PAX2: variants seen among roughly 807,000 people sequenced by gnomAD.
PAX2 encodes paired box protein Pax-2.
PAX2 carries 9 observed loss-of-function variants against 41.7 expected under a neutral mutation model. The ratio of observed to expected loss-of-function variants is 0.22; its 90% CI spans 0.13 to 0.38. The LOEUF (loss-of-function observed/expected upper bound fraction) is 0.38, where lower values mean the gene tolerates loss of function less well. Ranked by LOEUF, PAX2 falls within the 10% of genes least tolerant of loss-of-function variation. The pLI, the probability that PAX2 is intolerant of heterozygous loss-of-function variation, is 1.00. For missense variants in PAX2, 418 were observed against 531.6 expected, an observed-to-expected ratio of 0.79 and a Z score of 2.10; for synonymous variants, 221 against 212.7, an observed-to-expected ratio of 1.04 and a Z score of -0.34.
rs1350275569 is a variant in PAX2 at position 100,748,830 on chromosome 10, T to C, written c.44-916T>C. The C allele has an allele frequency of 3.0e-6, 3 of 984,882 alleles. No individual in the cohort carries two copies. The highest frequency in any genetic ancestry group is 3.6e-6 in the Non-Finnish European group (3 of 829,890). The allele number at this position is 984,882 out of a possible 1,614,324, so 61.0% of individuals were successfully genotyped here. A position where few individuals can be genotyped will look rare whatever the true frequency, so the allele number is the denominator to read the frequency against. ...AGGGGTCAAAGGGACTCGAGTCGGGTTTGGGTCGGCTACACAGGGCGCCCC... is the reference window on the plus strand; with the variant it reads ...AGGGGTCAAAGGGACTCGAGTCGGGCTTGGGTCGGCTACACAGGGCGCCCC... On this transcript the variant is annotated intron_variant, in intron 1 of 9. Transcript: ENST00000355243. This position sits in a 1 kb window ranked among gnomAD's most constrained non-coding sequence, Gnocchi z 5.0.
At chr10:100,792,913 A>T (rs1847183659) in intron 5 of PAX2, among the ~76,000 whole-genome samples, 1 of 152,236 alleles carries the variant, frequency 6.6e-6, no homozygotes, top group Non-Finnish European at 1.5e-5. Flanking sequence ...ACAGGAAAAC[A>T]TAACAGGAAA....
At chr10:100,775,095 A>G (rs1846339353) in intron 3 of PAX2, among the ~76,000 whole-genome samples, 1 of 152,076 alleles carries the variant, frequency 6.6e-6, no homozygotes, top group South Asian at 2.1e-4. Context: ...TTCTGAGCAG[A>G]GCTGTGTCCT....
chr10:100,801,535 C>G (rs1847563770), intron 5 of PAX2, among the ~76,000 whole-genome samples: 1 of 152,216 alleles, frequency 6.6e-6, no homozygotes, highest in Admixed American at 6.5e-5. Context: ...CTGGAATGGC[C>G]CAGTCCTGGG....
chr10:100,741,347 G>A (rs1352190550), upstream of PAX2, among the ~76,000 whole-genome samples: 1 of 150,870 alleles, frequency 6.6e-6, no homozygotes, highest in Non-Finnish European at 1.5e-5. Flanking sequence ...GCTTTAGGGG[G>A]AATGTGCTGT....
chr10:100,822,132 A>G (rs1272652609), intron 7 of PAX2, among the ~76,000 whole-genome samples: 1 of 152,138 alleles, frequency 6.6e-6, no homozygotes, highest in African/African-American at 2.4e-5. Flanking sequence ...CTGTCTCTCT[A>G]GGAGTCAAAA....
intron 3 of PAX2, among the ~76,000 whole-genome samples, chr10:100,770,661 A>G (rs1449752564): frequency 6.6e-6 from 1 of 152,230 alleles, no homozygotes; most frequent in Non-Finnish European, 1.5e-5. Context: ...ATCGCCCTCA[A>G]TGCCAGTCTT....
chr10:100,749,123 C>A, intron 1 of PAX2: 1 of 985,560 alleles, frequency 1.0e-6, no homozygotes, highest in Non-Finnish European at 1.2e-6. Context: ...AGAAAAACTT[C>A]CCATCAAAAA....
intron 5 of PAX2, among the ~76,000 whole-genome samples, chr10:100,802,388 A>G (rs1377722276): frequency 3.3e-5 from 5 of 152,160 alleles, no homozygotes; most frequent in African/African-American, 7.2e-5. Context: ...CTCACCAGGA[A>G]CACAGTGTTC....
intron 5 of PAX2, among the ~76,000 whole-genome samples, chr10:100,783,452 G>A (rs1846715912): frequency 6.6e-6 from 1 of 152,198 alleles, no homozygotes; most frequent in African/African-American, 2.4e-5. Context: ...CCTGAGGGAT[G>A]AAGAGGAGAA....
In PAX2 at chr10:100,827,501, G is replaced by A. The variant is rs1002634480; in HGVS notation, c.1109-42G>A. ...TCTTTCCTTTTTTGTTCTCCTGTTTGTCCTCTCACCCAGCCCATTCTTCTC... is the reference window on the plus strand; with the variant it reads ...TCTTTCCTTTTTTGTTCTCCTGTTTATCCTCTCACCCAGCCCATTCTTCTC... On this transcript the variant is annotated intron_variant, in intron 9 of 9. Coordinates refer to ENST00000355243, the MANE Select transcript of PAX2 (RefSeq NM_000278.5). This position sits in a 1 kb window ranked among gnomAD's most constrained non-coding sequence, Gnocchi z 8.5. The A allele has an allele frequency of 1.3e-5, 21 of 1,595,592 alleles. No homozygotes were observed. The highest frequency in any genetic ancestry group is 1.8e-5 in the Non-Finnish European group (21 of 1,163,334).
At chr10:100,769,348 C>G (rs1251766692) in intron 3 of PAX2, among the ~76,000 whole-genome samples, 1 of 152,152 alleles carries the variant, frequency 6.6e-6, no homozygotes, top group Non-Finnish European at 1.5e-5. Flanking sequence ...TTATTATTGG[C>G]CAGGTACAGT....
chr10:100,790,216 A>G (rs1345227359), intron 5 of PAX2, among the ~76,000 whole-genome samples: 1 of 152,070 alleles, frequency 6.6e-6, no homozygotes, highest in Non-Finnish European at 1.5e-5. Context: ...GGTCAATTCC[A>G]CCCTACCAGG....
chr10:100,798,004 A>AT, intron 5 of PAX2, among the ~76,000 whole-genome samples: 1 of 152,032 alleles, frequency 6.6e-6, no homozygotes, highest in Middle Eastern at 3.4e-3. Flanking sequence ...TTGGTCAAGT[A>AT]CAGCAGGTAG....
In PAX2 at chr10:100,750,939, C is replaced by A. The variant is rs1278760898; in HGVS notation, c.410+48C>A. ...CAGGGCTGGACTCCAGCTCCTGGCT[C>A]CTGCCTGCAGGGGTGTCCCACGCCC... On this transcript the variant is annotated intron_variant, in intron 3 of 9. Transcript: ENST00000355243. This position sits in a 1 kb window ranked among gnomAD's most constrained non-coding sequence, Gnocchi z 4.1. The A allele has an allele frequency of 3.4e-6, 5 of 1,456,942 alleles. No homozygotes were observed. Among genetic ancestry groups the A allele is most frequent in the Non-Finnish European group, 4.8e-6 (5 of 1,039,094 alleles). The allele number at this position is 1,456,942 out of a possible 1,614,324, so 90.3% of individuals were successfully genotyped here. A position where few individuals can be genotyped will look rare whatever the true frequency, so the allele number is the denominator to read the frequency against.
At chr10:100,739,539 C>A (rs546765272) in intron 1 of PAX2, among the ~76,000 whole-genome samples, 44 of 152,254 alleles carry the variant, frequency 2.9e-4, no homozygotes, top group Middle Eastern at 3.4e-3. Context: ...CCAACTCTGC[C>A]CAGCGCGGCC....
At chr10:100,742,795 G>A (rs921227507), upstream of PAX2, among the ~76,000 whole-genome samples, 1 of 137,014 alleles carries the variant, frequency 7.3e-6, no homozygotes, top group Non-Finnish European at 1.6e-5. Context: ...TTGGGGTTGG[G>A]TTGTTTTCTT....
chr10:100,757,325 CT>C (rs1845669897), intron 3 of PAX2, among the ~76,000 whole-genome samples: 1 of 152,258 alleles, frequency 6.6e-6, no homozygotes, highest in South Asian at 2.1e-4. Flanking sequence ...CATTGGGCCA[CT>C]GGGCGAAGTG....
chr10:100,747,609 G>A (rs1324385889), intron 1 of PAX2: 9 of 985,134 alleles, frequency 9.1e-6, no homozygotes, highest in Non-Finnish European at 1.1e-5. Context: ...TAGGACAAGA[G>A]AGCCGAGGAG....
intron 1 of PAX2, among the ~76,000 whole-genome samples, chr10:100,740,153 G>T (rs1253230758): frequency 6.6e-6 from 1 of 152,216 alleles, no homozygotes; most frequent in African/African-American, 2.4e-5. Context: ...AACCGGACCG[G>T]ACGGGATTTC....
Sources: allele counts gnomAD v4.1 joint callset (sites outside exome capture counted in the v4.1 genomes callset), GRCh38; gene constraint gnomAD v4.1.1; non-coding constraint Gnocchi (gnomAD v3.1); transcripts MANE v1.5; gene names NCBI Gene and HGNC (gene_info 2026-07-23, HGNC 2026-07-21).